The following AKR1E2 variants were observed in gnomAD, a reference collection of about 807,000 sequenced individuals.
AKR1E2 encodes aldo-keto reductase family 1 member E2.
In AKR1E2, 43 loss-of-function variants were observed where a neutral mutation model predicts 41.9. The observed-to-expected ratio is 1.03, with a 90% confidence interval of 0.80 to 1.32. The LOEUF is 1.32. Ranked by LOEUF, AKR1E2 falls within the 40% of genes most tolerant of loss-of-function variation. The probability of loss-of-function intolerance (pLI) is 0.00; values close to 1 mark genes in which losing one functional copy is unlikely to be tolerated. For missense variants in AKR1E2, 423 were observed against 396.5 expected (o/e 1.07, Z -0.57); for synonymous variants, 121 against 138.9 (o/e 0.87, Z 0.91).
chr10:4,838,897 C>G (rs1833645239), intron 5 of AKR1E2, among the ~76,000 whole-genome samples: 1 of 152,134 alleles, frequency 6.6e-6, no homozygotes, highest in Non-Finnish European at 1.5e-5. Context: ...GGAGGGTCTG[C>G]TTTCTGTTAG....
intron 2 of AKR1E2, among the ~76,000 whole-genome samples, chr10:4,831,960 G>T (rs189790044): frequency 1.0e-3 from 158 of 152,338 alleles, no homozygotes; most frequent in African/African-American, 3.6e-3. Context: ...AGCAGTGCAG[G>T]TGGAAGATGA....
upstream of AKR1E2, among the ~76,000 whole-genome samples, chr10:4,825,374 T>G (rs957968538): frequency 5.3e-5 from 8 of 152,076 alleles, no homozygotes; most frequent in African/African-American, 1.7e-4. Flanking sequence ...CCAGGAGAGA[T>G]AAGAGGGGCG....
the AKR1E2 span, among the ~76,000 whole-genome samples, chr10:4,853,666 G>A: frequency 6.6e-6 from 1 of 152,176 alleles, no homozygotes; most frequent in Admixed American, 6.5e-5. Flanking sequence ...ACAACTGAAA[G>A]TGGGGACAAC....
At chr10:4,871,744 T>C in the AKR1E2 span, among the ~76,000 whole-genome samples, 1 of 152,152 alleles carries the variant, frequency 6.6e-6, no homozygotes, top group Non-Finnish European at 1.5e-5. Context: ...TAGGTTTAGA[T>C]ACTTTTATTT....
At chr10:4,835,892 C>A in intron 4 of AKR1E2, 83 bp downstream of exon 4, 2 of 1,539,930 alleles carry the variant, frequency 1.3e-6, no homozygotes, top group South Asian at 2.4e-5. Flanking sequence ...TGCTTGTGTT[C>A]AAAGACATCA....
At position 4,830,810 on chromosome 10, in the gene AKR1E2, G is replaced by C. The variant is rs1832912656; in HGVS notation, c.175G>C (p.Val59Leu). 6.2e-7 allele frequency: 1 copy of C among 1,614,024 alleles called. No homozygotes were observed. Among genetic ancestry groups the C allele is most frequent in the African/African-American group, 1.3e-5 (1 of 74,924 alleles). Reference protein sequence around the residue: ...GIRCKIKEGAVRREDLFIATK... With the variant: ...GIRCKIKEGALRREDLFIATK... ...CCGTTGCAAGATCAAGGAAGGCGCT[G>C]TAAGACGGGAGGATCTGTTCATTGC... Residue 59 changes from valine (V) to leucine (L), a missense_variant, in exon 2 of 10, where the codon GTA (valine) becomes CTA (leucine). Physicochemically the swap from Val to Leu is conservative, Grantham distance 32 (BLOSUM62 1). Coordinates refer to ENST00000298375, the MANE Select transcript of AKR1E2 (RefSeq NM_001040177.3).
intron 4 of AKR1E2, among the ~76,000 whole-genome samples, 199 bp downstream of exon 4, chr10:4,836,008 G>A (rs1014372321): frequency 1.3e-5 from 2 of 152,110 alleles, no homozygotes; most frequent in African/African-American, 2.4e-5. Flanking sequence ...TTGGTATGGT[G>A]CAGTTCTCTT....
chr10:4,830,615 G>A (rs1832892647), intron 1 of AKR1E2, 60 bp from the exon 2 acceptor site: 1 of 1,589,516 alleles, frequency 6.3e-7, no homozygotes, highest in Middle Eastern at 1.7e-4. Flanking sequence ...GGGTGAAAGG[G>A]GAGATTTGTG....
the AKR1E2 span, among the ~76,000 whole-genome samples, chr10:4,863,230 T>C: frequency 1.3e-5 from 2 of 152,048 alleles, no homozygotes; most frequent in African/African-American, 2.4e-5. Flanking sequence ...CCTCAGCAAA[T>C]GTAAAAGAAC....
rs1467038520 is a variant in AKR1E2 at position 4,839,738 on chromosome 10, C to T, written c.592C>T (p.His198Tyr). The T allele has an allele frequency of 1.2e-6, 2 of 1,613,720 alleles. No homozygotes were observed. The highest frequency in any genetic ancestry group is 8.5e-7 in the Non-Finnish European group (1 of 1,179,680). Residue 198 changes from histidine to tyrosine, a missense_variant, in exon 6 of 10, where the codon CAC (histidine) becomes TAC (tyrosine). Transcript: ENST00000298375. The stretch of plus-strand genomic sequence containing the variant: ...TATGATTCTGTTATAGATTGAGTGC[C>T]ACCCATATCTTACTCAGAAGAATCT... ...FKPLTNQIEC[H>Y]PYLTQKNLIS... is the part of the protein sequence containing the mutation.
chr10:4,865,438 T>C, the AKR1E2 span, among the ~76,000 whole-genome samples: 3 of 152,156 alleles, frequency 2.0e-5, no homozygotes, highest in East Asian at 5.8e-4. Context: ...AAGATTATAA[T>C]AGATAGTAAA....
chr10:4,857,941 G>C, the AKR1E2 span, among the ~76,000 whole-genome samples: 2 of 151,586 alleles, frequency 1.3e-5, no homozygotes, highest in Non-Finnish European at 2.9e-5. Flanking sequence ...CCAACTCATT[G>C]TTTCATTGTT....
At chr10:4,854,091 T>TTTTTTG in the AKR1E2 span, among the ~76,000 whole-genome samples, 1 of 70,230 alleles carries the variant, frequency 1.4e-5, no homozygotes, top group African/African-American at 5.3e-5. Flanking sequence ...TACTGTTTTT[T>TTTTTTG]TTTTTTTTTT....
chr10:4,839,864 C>G, intron 6 of AKR1E2, 38 bp downstream of exon 6: 2 of 1,565,428 alleles, frequency 1.3e-6, no homozygotes, highest in Non-Finnish European at 1.8e-6. Flanking sequence ...CAGAGTCCGA[C>G]TGGGAAGTAG....
chr10:4,868,703 A>C, the AKR1E2 span, among the ~76,000 whole-genome samples: 2 of 152,204 alleles, frequency 1.3e-5, no homozygotes, highest in African/African-American at 4.8e-5. Context: ...CAAGTTTAGA[A>C]AGTTATCCTG....
intron 1 of AKR1E2, among the ~76,000 whole-genome samples, chr10:4,827,507 A>G (rs1832637800): frequency 6.6e-6 from 1 of 151,550 alleles, no homozygotes; most frequent in Non-Finnish European, 1.5e-5. Flanking sequence ...TCTTATAACC[A>G]CCATTCTATT....
In AKR1E2 at chr10:4,842,478, C is replaced by T; in HGVS notation, c.811C>T (p.Pro271Ser). The T allele has an allele frequency of 6.2e-7, 1 of 1,614,042 alleles. No homozygotes were observed. The highest frequency in any genetic ancestry group is 8.5e-7 in the Non-Finnish European group (1 of 1,179,950). The change falls in exon 8 of 10, where the codon CCA (proline) becomes TCA (serine). Residue 271 changes from proline (P) to serine (S), a missense_variant. By Grantham distance (74) the Pro-to-Ser change is moderately conservative. Coordinates refer to ENST00000298375, the MANE Select transcript of AKR1E2 (RefSeq NM_001040177.3). Reference sequence around the variant, plus strand: ...GATAGTGATCCCCGGATCTATCACCCCAAGTCACATTAAAGAGAATATCCA... The same window carrying T: ...GATAGTGATCCCCGGATCTATCACCTCAAGTCACATTAAAGAGAATATCCA... ...NVIVIPGSIT[P>S]SHIKENIQVF...
At chr10:4,837,287 A>T (rs1833503921) in intron 4 of AKR1E2, among the ~76,000 whole-genome samples, 172 bp from the exon 5 acceptor site, 2 of 152,250 alleles carry the variant, frequency 1.3e-5, no homozygotes, top group African/African-American at 4.8e-5. Flanking sequence ...GCCAGAAAAG[A>T]TGGGACTGAA....
intron 8 of AKR1E2, among the ~76,000 whole-genome samples, chr10:4,846,534 A>G (rs1270174064): frequency 6.6e-6 from 1 of 151,716 alleles, no homozygotes; most frequent in African/African-American, 2.4e-5. Flanking sequence ...TCAGTGGGAA[A>G]AATTCTGTGC....
Sources: gnomAD v4.1 joint callset for allele counts (sites outside exome capture counted in the v4.1 genomes callset) on GRCh38, gnomAD v4.1.1 for gene constraint, MANE v1.5 for transcripts, NCBI Gene and HGNC (gene_info 2026-07-23, HGNC 2026-07-21) for gene names.